CREB5: variants seen among roughly 807,000 people sequenced by gnomAD.
The protein encoded by CREB5 is cAMP responsive element binding protein 5, also known as cyclic AMP-responsive element-binding protein 5.
CREB5 carries 19 observed loss-of-function variants against 57.1 expected under a neutral mutation model. The observed-to-expected ratio is 0.33, with a 90% CI of 0.23 to 0.49. The LOEUF is 0.49. Among genes scored for constraint, CREB5 ranks in the 20% least tolerant of loss-of-function variants. The probability of loss-of-function intolerance (pLI) is 0.99; values close to 1 mark genes in which losing one functional copy is unlikely to be tolerated. For missense variants in CREB5, 579 were observed against 671.6 expected (o/e 0.86, Z 1.52); for synonymous variants, 238 against 238.3 (o/e 1.00, Z 0.01).
intron 1 of CREB5, among the ~76,000 whole-genome samples, chr7:28,464,176 A>C (rs1790462516): frequency 6.6e-6 from 1 of 152,180 alleles, no homozygotes; most frequent in African/African-American, 2.4e-5. Flanking sequence ...TCTGGGATGA[A>C]TCCCACATGG....
chr7:28,527,597 A>G (rs1430548061), intron 4 of CREB5, among the ~76,000 whole-genome samples: 6 of 152,278 alleles, frequency 3.9e-5, no homozygotes, highest in Middle Eastern at 3.4e-3. Flanking sequence ...TAGGAGGATC[A>G]CTTGAGGACA....
rs550880679 is a variant in CREB5 at position 28,441,350 on chromosome 7, T to G, written c.3+28433T>G. ...CAGAGAGATCTTTACCACTTGATAATCTCTGGTGGCTCTCCACATGGAAAG... is the reference window on the plus strand; with the variant it reads ...CAGAGAGATCTTTACCACTTGATAAGCTCTGGTGGCTCTCCACATGGAAAG... On this transcript the variant is annotated intron_variant, in intron 1 of 10. Coordinates refer to ENST00000357727, the MANE Select transcript of CREB5 (RefSeq NM_182898.4). 3.3e-5 allele frequency among the ~76,000 whole-genome samples: 5 copies of G among 152,310 alleles called. No individual in the cohort carries two copies. In the East Asian group the frequency reaches 7.7e-4, roughly 23 times the overall value.
intron 1 of CREB5, among the ~76,000 whole-genome samples, chr7:28,441,075 A>G (rs538113744): frequency 6.6e-6 from 1 of 152,280 alleles, no homozygotes; most frequent in Non-Finnish European, 1.5e-5. Flanking sequence ...TTTATACTTA[A>G]CTCATCAAAA....
At chr7:28,428,121 G>C (rs1788578688) in intron 1 of CREB5, among the ~76,000 whole-genome samples, 1 of 152,208 alleles carries the variant, frequency 6.6e-6, no homozygotes, top group South Asian at 2.1e-4. Context: ...TTCCTATGGA[G>C]ATGTGGAGAA....
At chr7:28,790,900 T>C (rs1330030047) in intron 7 of CREB5, among the ~76,000 whole-genome samples, 8 of 152,222 alleles carry the variant, frequency 5.3e-5, no homozygotes, top group African/African-American at 1.9e-4. Flanking sequence ...TCCACTTGGC[T>C]TAGTGGTTGA....
rs1219079270 is a variant in CREB5, at chr7:28,560,873, C to CGTGT, written c.292-9491_292-9490insTGTG. On this transcript the variant is annotated intron_variant, in intron 4 of 10. Transcript: ENST00000357727. ...GTGTGTGTGTGCGTGTGCCTGCGTG[C>CGTGT]GCGTGCGTGCGTGCGTGTGTGTGCG... Among the ~76,000 whole-genome samples the CGTGT allele has an allele frequency of 1.4e-3, 31 of 22,110 alleles. 4 individuals carry two copies. The highest frequency in any genetic ancestry group is 7.6e-3 in the South Asian group (2 of 262). The allele number at this position is 22,110 out of a possible 152,430, so 14.5% of individuals were successfully genotyped here.
intron 1 of CREB5, among the ~76,000 whole-genome samples, chr7:28,480,987 GAA>G (rs753852561): frequency 2.5e-4 from 38 of 152,262 alleles, no homozygotes; most frequent in Admixed American, 1.4e-3. Flanking sequence ...AAAAAAGAAA[GAA>G]AGAGGAATCT....
intron 3 of CREB5, among the ~76,000 whole-genome samples, chr7:28,499,639 A>C (rs891484668): frequency 2.6e-5 from 4 of 152,112 alleles, no homozygotes; most frequent in African/African-American, 9.7e-5. Context: ...GCTGGAGTGC[A>C]ATGGCGCTAT....
chr7:28,732,665 A>T (rs74746371), intron 7 of CREB5, among the ~76,000 whole-genome samples: 1,662 of 151,452 alleles, frequency 0.011, 47 homozygotes, highest in African/African-American at 0.038. Flanking sequence ...GATTTTTGCC[A>T]GCACAGCTAA....
At position 28,658,016 on chromosome 7, in the gene CREB5, A is replaced by C. The variant is rs561635654; in HGVS notation, c.465-60737A>C. ...TCACTGAGCAGGCACATTATAGTCT[A>C]TCTTAGGCTACTCTGGTGTAAACAA... On this transcript the variant is annotated intron_variant, in intron 5 of 10. Coordinates refer to ENST00000357727, the MANE Select transcript of CREB5 (RefSeq NM_182898.4). Among the ~76,000 whole-genome samples the C allele has an allele frequency of 2.6e-5, 4 of 152,288 alleles. No homozygotes were observed. The East Asian group carries it at 7.7e-4, about 29-fold the overall frequency.
Position 28,824,698 on chromosome 7 carries a change from G to A in CREB5, c.*5419G>A, listed in dbSNP as rs192498593. 2.4e-4 allele frequency: 37 copies of A among 152,742 alleles called. No homozygotes were observed. The highest frequency in any genetic ancestry group is 1.7e-3 in the South Asian group (8 of 4,834). The allele number at this position is 152,742 out of a possible 1,614,324, so 9.5% of individuals were successfully genotyped here. Reference sequence around the variant, plus strand: ...ACTATTTCTTGTGGAGTTTTTCAGTGATGTAATGCTTGTAGCCAAATTGCT... The same window carrying A: ...ACTATTTCTTGTGGAGTTTTTCAGTAATGTAATGCTTGTAGCCAAATTGCT... On this transcript the variant is annotated 3_prime_UTR_variant, in exon 11 of 11. Transcript: ENST00000357727.
intron 4 of CREB5, among the ~76,000 whole-genome samples, chr7:28,559,372 T>A (rs1184257896): frequency 2.0e-5 from 3 of 152,210 alleles, no homozygotes; most frequent in African/African-American, 4.8e-5. Context: ...TGGAGTGCAG[T>A]GGCATGATCT....
intron 1 of CREB5, among the ~76,000 whole-genome samples, chr7:28,457,880 A>G (rs902614226): frequency 1.3e-5 from 2 of 152,128 alleles, no homozygotes; most frequent in Non-Finnish European, 2.9e-5. Flanking sequence ...GAGATTTGCA[A>G]TGGGAGCCCA....
At chr7:28,303,685 G>A (rs1056577396) in intron 1 of CREB5, among the ~76,000 whole-genome samples, 5 of 152,070 alleles carry the variant, frequency 3.3e-5, no homozygotes, top group Non-Finnish European at 7.4e-5. Flanking sequence ...ATCTAGTTTT[G>A]CCTCCCTGTG....
chr7:28,375,323 C>A (rs1484892273), intron 1 of CREB5, among the ~76,000 whole-genome samples: 4 of 151,906 alleles, frequency 2.6e-5, no homozygotes, highest in African/African-American at 7.3e-5. Flanking sequence ...ACAATTGAAC[C>A]CATGGAGACA....
At chr7:28,381,754 T>C (rs890485922) in intron 1 of CREB5, among the ~76,000 whole-genome samples, 4 of 152,184 alleles carry the variant, frequency 2.6e-5, no homozygotes, top group African/African-American at 4.8e-5. Flanking sequence ...AAGTACAAAA[T>C]AGAACCATAG....
rs781219951 is a variant in CREB5, at chr7:28,494,944, C to T, written c.114C>T (p.His38=). 1 of 1,608,246 alleles carries T rather than the reference C, an allele frequency of 6.2e-7. No individual in the cohort carries two copies. Among genetic ancestry groups the T allele is most frequent in the South Asian group, 1.1e-5 (1 of 89,538 alleles). The part of the protein sequence containing the change: ...PTEDHLMIHR[H]KHEMTLKFPS... ...AGGACCATCTGATGATTCATAGGCACAAACATGAAATGACTTTGAAGTTTC... is the reference window on the plus strand; with the variant it reads ...AGGACCATCTGATGATTCATAGGCATAAACATGAAATGACTTTGAAGTTTC... Residue 38 remains histidine (H), a synonymous_variant, in exon 3 of 11, where the codon CAC becomes CAT. Coordinates refer to ENST00000357727, the MANE Select transcript of CREB5 (RefSeq NM_182898.4).
chr7:28,643,128 G>A (rs1417137191), intron 5 of CREB5, among the ~76,000 whole-genome samples: 1 of 152,076 alleles, frequency 6.6e-6, no homozygotes, highest in Non-Finnish European at 1.5e-5. Context: ...AGGGTTTGCA[G>A]TGGCACCTGC....
chr7:28,718,826 C>A lies in CREB5; in HGVS notation c.538C>A (p.Pro180Thr). Residue 180 changes from proline (P) to threonine (T), a missense_variant, in exon 6 of 11, where the codon CCT becomes ACT. This residue lies in a region of CREB5 where 459 missense variants were observed against 515.7 expected (regional missense o/e 0.89). Coordinates refer to ENST00000357727, the MANE Select transcript of CREB5 (RefSeq NM_182898.4). Reference protein sequence around the residue: ...RQRQPMPASMPGTLPNPTMPG... With the variant: ...RQRQPMPASMTGTLPNPTMPG... Reference sequence around the variant, plus strand: ...GAGACAGCCCATGCCAGCCTCCATGCCTGGGACCCTGCCCAACCCTACAAT... The same window carrying A: ...GAGACAGCCCATGCCAGCCTCCATGACTGGGACCCTGCCCAACCCTACAAT... The A allele has an allele frequency of 6.2e-7, 1 of 1,614,122 alleles. No individual in the cohort carries two copies. Among genetic ancestry groups the A allele is most frequent in the Non-Finnish European group, 8.5e-7 (1 of 1,179,976 alleles).
Sources: allele counts gnomAD v4.1 joint callset (sites outside exome capture counted in the v4.1 genomes callset), GRCh38; gene constraint gnomAD v4.1.1; regional missense constraint gnomAD v4.1.1; transcripts MANE v1.5; gene names NCBI Gene and HGNC (gene_info 2026-07-23, HGNC 2026-07-21).